The following PCDH15 variants were observed in gnomAD, a reference collection of about 807,000 sequenced individuals.
PCDH15 encodes protocadherin-15.
PCDH15 carries 129 observed loss-of-function variants against 178.5 expected under a neutral mutation model. The ratio of observed to expected loss-of-function variants is 0.72; its 90% CI spans 0.63 to 0.84. PCDH15 has a LOEUF of 0.84. Ranked by LOEUF, PCDH15 falls within the 40% of genes least tolerant of loss-of-function variation. The pLI is 0.00. For missense variants in PCDH15, 2,230 were observed against 2,099.9 expected (o/e 1.06, Z -1.21); for synonymous variants, 800 against 732.0 (o/e 1.09, Z -1.50).
intron 2 of PCDH15, among the ~76,000 whole-genome samples, chr10:54,608,539 A>T (rs1049469894): frequency 6.6e-6 from 1 of 152,026 alleles, no homozygotes; most frequent in African/African-American, 2.4e-5. Flanking sequence ...TGAACCCAGG[A>T]TATCTAGGCT....
intron 1 of PCDH15, among the ~76,000 whole-genome samples, chr10:54,719,859 AT>A (rs1261558249): frequency 6.8e-6 from 1 of 148,026 alleles, no homozygotes; most frequent in Admixed American, 6.8e-5. Flanking sequence ...ACATGATCTC[AT>A]TCTTTTTATG....
intron 3 of PCDH15, among the ~76,000 whole-genome samples, chr10:54,522,815 G>A (rs1414096342): frequency 6.6e-6 from 1 of 152,182 alleles, no homozygotes; most frequent in Non-Finnish European, 1.5e-5. Flanking sequence ...GTTTGTAACA[G>A]GGAAGGAGAG....
At chr10:55,599,186 G>A (rs1254461979) in intron 2 of PCDH15, 5 of 152,116 alleles carry the variant, frequency 3.3e-5, no homozygotes, top group East Asian at 1.9e-4. Flanking sequence ...CCCAAAATCA[G>A]AGGAGCTTCT....
chr10:54,280,423 A>C (rs2058621096), intron 8 of PCDH15, among the ~76,000 whole-genome samples: 1 of 151,574 alleles, frequency 6.6e-6, no homozygotes, highest in Admixed American at 6.6e-5. Context: ...ACACCATTAC[A>C]GTCCTCAGCA....
intron 8 of PCDH15, among the ~76,000 whole-genome samples, chr10:54,247,555 G>T (rs1006115665): frequency 6.6e-6 from 1 of 151,818 alleles, no homozygotes; most frequent in East Asian, 1.9e-4. Context: ...CTAAATTGCT[G>T]CATTTAACTA....
intron 2 of PCDH15, among the ~76,000 whole-genome samples, chr10:54,575,686 T>C (rs932315581): frequency 2.0e-5 from 3 of 151,956 alleles, no homozygotes; most frequent in African/African-American, 4.8e-5. Context: ...TTTCAATATA[T>C]GAAAGAAAAA....
intron 5 of PCDH15, among the ~76,000 whole-genome samples, chr10:54,355,849 T>C (rs1000321185): frequency 1.3e-5 from 2 of 152,072 alleles, no homozygotes; most frequent in Non-Finnish European, 2.9e-5. Flanking sequence ...ATCAAATCTC[T>C]ATTGCTAGAA....
chr10:54,355,501 G>C (rs1944840436), intron 5 of PCDH15, among the ~76,000 whole-genome samples: 1 of 151,940 alleles, frequency 6.6e-6, no homozygotes, highest in Non-Finnish European at 1.5e-5. Context: ...TATGTTATTT[G>C]AGAAATGTTA....
intron 8 of PCDH15, among the ~76,000 whole-genome samples, chr10:54,316,992 C>T (rs2061316821): frequency 6.6e-6 from 1 of 152,028 alleles, no homozygotes; most frequent in Non-Finnish European, 1.5e-5. Flanking sequence ...TTCAGAATGG[C>T]TAGTGAATTC....
intron 2 of PCDH15, among the ~76,000 whole-genome samples, chr10:54,552,834 T>C (rs1656946354): frequency 6.6e-6 from 1 of 152,194 alleles, no homozygotes; most frequent in African/African-American, 2.4e-5. Context: ...GAAATTTCTG[T>C]TCATCAATGT....
intron 30 of PCDH15, among the ~76,000 whole-genome samples, chr10:53,829,352 T>C (rs1033695011): frequency 2.0e-5 from 3 of 152,202 alleles, no homozygotes; most frequent in African/African-American, 7.2e-5. Flanking sequence ...GTATTTGTTG[T>C]ATTTCAGACT....
At chr10:54,139,459 T>A (rs886437587) in intron 14 of PCDH15, among the ~76,000 whole-genome samples, 1 of 152,166 alleles carries the variant, frequency 6.6e-6, no homozygotes, top group African/African-American at 2.4e-5. Flanking sequence ...TAATATAAAA[T>A]TTTTAAATTG....
In PCDH15 at chr10:54,497,391, G is replaced by C. The variant is rs141230871; in HGVS notation, c.157+30421C>G. ...AATTCTGGTGACTATAAAACCCAGA[G>C]TGTCTTTTTACTTCTAAATGACTGC... On this transcript the variant is annotated intron_variant, in intron 3 of 37. Transcript: ENST00000644397. Among the ~76,000 whole-genome samples the C allele has an allele frequency of 3.0e-4, 46 of 152,280 alleles. No homozygotes were observed. The East Asian group carries it at 7.2e-3, about 24-fold the overall frequency.
At chr10:54,414,377 C>T (rs145532539) in intron 3 of PCDH15, among the ~76,000 whole-genome samples, 240 of 151,968 alleles carry the variant, frequency 1.6e-3, no homozygotes, top group Non-Finnish European at 2.4e-3. Context: ...GTTTACATGA[C>T]GGAATAAATG....
At chr10:55,375,720 T>A (rs1837382131) in intron 2 of PCDH15, among the ~76,000 whole-genome samples, 1 of 152,072 alleles carries the variant, frequency 6.6e-6, no homozygotes, top group Non-Finnish European at 1.5e-5. Context: ...CTACCTTCAA[T>A]CCCTTGTGAT....
intron 2 of PCDH15, among the ~76,000 whole-genome samples, chr10:55,544,972 A>G (rs899895770): frequency 6.6e-6 from 1 of 152,170 alleles, no homozygotes. Context: ...AAAACTTAAC[A>G]GGAAAAAAAT....
intron 2 of PCDH15, among the ~76,000 whole-genome samples, chr10:55,502,847 T>G (rs908290250): frequency 5.3e-5 from 8 of 151,720 alleles, no homozygotes; most frequent in African/African-American, 1.9e-4. Context: ...TTCTTTTTTT[T>G]CGTGTTTTGA....
At chr10:55,388,486 A>C (rs1278275207) in intron 2 of PCDH15, among the ~76,000 whole-genome samples, 3 of 152,148 alleles carry the variant, frequency 2.0e-5, no homozygotes, top group African/African-American at 2.4e-5. Context: ...ATAAGACTTA[A>C]ACTTCTGTCT....
chr10:54,713,271 C>T (rs1465291713), intron 1 of PCDH15, among the ~76,000 whole-genome samples: 2 of 151,872 alleles, frequency 1.3e-5, no homozygotes, highest in Admixed American at 1.3e-4. Context: ...AGTTTTTTTA[C>T]ATTTAATAGT....
Sources: gnomAD v4.1 joint callset for allele counts (sites outside exome capture counted in the v4.1 genomes callset) on GRCh38, gnomAD v4.1.1 for gene constraint, MANE v1.5 for transcripts, NCBI Gene and HGNC (gene_info 2026-07-23, HGNC 2026-07-21) for gene names.